The following DAPK1 variants were observed in gnomAD, a reference collection of about 807,000 sequenced individuals.
DAPK1 encodes the protein death-associated protein kinase 1.
A neutral mutation model predicts 144.9 loss-of-function variants in DAPK1; 56 were observed. The observed-to-expected ratio is 0.39, with a 90% confidence interval of 0.31 to 0.48. DAPK1 has a LOEUF of 0.48. Ranked by LOEUF, DAPK1 falls within the 20% of genes least tolerant of loss-of-function variation. The probability of loss-of-function intolerance (pLI) is 0.95; values close to 1 mark genes in which losing one functional copy is unlikely to be tolerated. For synonymous variants in DAPK1, 690 were observed against 749.0 expected (o/e 0.92, Z 1.29); for missense variants, 1,454 against 1,875.4 (o/e 0.78, Z 4.15).
intron 17 of DAPK1, among the ~76,000 whole-genome samples, chr9:87,656,626 A>G (rs1307706897): frequency 6.6e-6 from 1 of 152,236 alleles, no homozygotes; most frequent in East Asian, 1.9e-4. Flanking sequence ...CAGTGTTTAC[A>G]CTAGCCGGGA....
At chr9:87,582,358 C>T (rs929571699) in intron 2 of DAPK1, among the ~76,000 whole-genome samples, 5 of 152,148 alleles carry the variant, frequency 3.3e-5, no homozygotes, top group Admixed American at 1.3e-4. Flanking sequence ...AAGCGTCTAG[C>T]CTGTTGGAGC....
chr9:87,511,877 AT>A (rs1824861761), intron 2 of DAPK1, among the ~76,000 whole-genome samples: 1 of 151,668 alleles, frequency 6.6e-6, no homozygotes, highest in African/African-American at 2.4e-5. Flanking sequence ...CACCCAGCTA[AT>A]TTTTTGTATT....
At chr9:87,617,025 C>G (rs760197420) in intron 3 of DAPK1, among the ~76,000 whole-genome samples, 1 of 152,208 alleles carries the variant, frequency 6.6e-6, no homozygotes, top group African/African-American at 2.4e-5. Flanking sequence ...TCTTGGTTCT[C>G]TAGTCCAGAT....
chr9:87,528,738 G>A (rs556562474), intron 2 of DAPK1, among the ~76,000 whole-genome samples: 3 of 145,938 alleles, frequency 2.1e-5, no homozygotes, highest in South Asian at 4.6e-4. Flanking sequence ...CGGGTGTGGC[G>A]GTGTGCACCT....
intron 25 of DAPK1, 48 bp downstream of exon 25, chr9:87,703,265 C>T (rs1285981044): frequency 9.1e-7 from 1 of 1,095,060 alleles, no homozygotes; most frequent in South Asian, 1.3e-5. Context: ...GTGCCAGGGA[C>T]TCAGCCTGTC....
intron 18 of DAPK1, among the ~76,000 whole-genome samples, chr9:87,661,399 CTA>C (rs1381827847): frequency 6.6e-6 from 1 of 152,148 alleles, no homozygotes; most frequent in African/African-American, 2.4e-5. Context: ...CGTAATTTCT[CTA>C]TGTTTTCCAT....
intron 21 of DAPK1, among the ~76,000 whole-genome samples, chr9:87,690,396 G>T (rs1054044340): frequency 2.6e-5 from 4 of 152,000 alleles, no homozygotes; most frequent in Non-Finnish European, 5.9e-5. Flanking sequence ...TTATTTCTCA[G>T]ATCTAAGAGT....
chr9:87,510,006 C>T (rs1376493508), intron 2 of DAPK1, among the ~76,000 whole-genome samples: 1 of 152,180 alleles, frequency 6.6e-6, no homozygotes, highest in Non-Finnish European at 1.5e-5. Context: ...TACAGTTCGC[C>T]CATTTAGAAT....
intron 19 of DAPK1, among the ~76,000 whole-genome samples, chr9:87,674,327 C>T (rs758473982): frequency 6.6e-6 from 1 of 151,488 alleles, no homozygotes; most frequent in African/African-American, 2.4e-5. Context: ...GGTGAAACCC[C>T]GTCTCTACAA....
At chr9:87,524,211 G>T (rs1825404133) in intron 2 of DAPK1, among the ~76,000 whole-genome samples, 1 of 152,162 alleles carries the variant, frequency 6.6e-6, no homozygotes, top group South Asian at 2.1e-4. Flanking sequence ...TGTTTCTCTT[G>T]GCCCAAAGGC....
At chr9:87,615,552 T>C (rs1829065993) in intron 3 of DAPK1, among the ~76,000 whole-genome samples, 1 of 152,244 alleles carries the variant, frequency 6.6e-6, no homozygotes. Context: ...TAGAGTTGAT[T>C]ATTTCAAAAA....
intron 2 of DAPK1, among the ~76,000 whole-genome samples, chr9:87,594,656 G>A (rs60019419): frequency 0.028 from 4,222 of 152,282 alleles, 206 homozygotes; most frequent in African/African-American, 0.097. Flanking sequence ...AGTATTTACT[G>A]TGCTCTCTAT....
At chr9:87,551,293 G>A (rs1401539443) in intron 2 of DAPK1, among the ~76,000 whole-genome samples, 1 of 151,864 alleles carries the variant, frequency 6.6e-6, no homozygotes, top group Non-Finnish European at 1.5e-5. Flanking sequence ...GATTACAGGC[G>A]CCCACCACCA....
intron 2 of DAPK1, among the ~76,000 whole-genome samples, chr9:87,521,788 T>C (rs557565199): frequency 4.3e-4 from 66 of 152,374 alleles, no homozygotes; most frequent in African/African-American, 1.6e-3. Context: ...TCAAAACTCA[T>C]GTTCAAACTT....
intron 2 of DAPK1, among the ~76,000 whole-genome samples, chr9:87,574,647 C>A (rs1214213978): frequency 4.6e-5 from 7 of 152,184 alleles, no homozygotes; most frequent in Admixed American, 4.6e-4. Context: ...TGACCAGGCA[C>A]GGTGGCTCCC....
At chr9:87,573,081 C>T (rs1003858018) in intron 2 of DAPK1, among the ~76,000 whole-genome samples, 2 of 152,324 alleles carry the variant, frequency 1.3e-5, no homozygotes, top group Middle Eastern at 3.4e-3. Flanking sequence ...TGCAAGGCCA[C>T]ACGGACAGCA....
chr9:87,694,932 C>T (rs1825203347), intron 21 of DAPK1, among the ~76,000 whole-genome samples: 2 of 152,228 alleles, frequency 1.3e-5, no homozygotes, highest in Admixed American at 6.5e-5. Flanking sequence ...ATGCAGTCTC[C>T]AGGCAGCTCC....
At chr9:87,515,650 A>G (rs1054683300) in intron 2 of DAPK1, among the ~76,000 whole-genome samples, 2 of 152,190 alleles carry the variant, frequency 1.3e-5, no homozygotes, top group African/African-American at 4.8e-5. Flanking sequence ...TGTTTGCACT[A>G]AATACCCACC....
intron 2 of DAPK1, among the ~76,000 whole-genome samples, chr9:87,530,946 G>T (rs1825676981): frequency 6.6e-6 from 1 of 152,106 alleles, no homozygotes; most frequent in Non-Finnish European, 1.5e-5. Flanking sequence ...TTCCCAGGGG[G>T]ATGGAGCAGC....
Sources: allele counts gnomAD v4.1 joint callset (sites outside exome capture counted in the v4.1 genomes callset), GRCh38; gene constraint gnomAD v4.1.1; transcripts MANE v1.5; gene names NCBI Gene and HGNC (gene_info 2026-07-23, HGNC 2026-07-21).